The following OR56A3 variants were observed in gnomAD, a reference collection of about 807,000 sequenced individuals.
OR56A3 encodes the protein olfactory receptor 56A3.
A neutral mutation model predicts 17.5 loss-of-function variants in OR56A3; 23 were observed. The ratio of observed to expected loss-of-function variants is 1.32; its 90% CI spans 0.95 to 1.87. The LOEUF is 1.87. Ranked by LOEUF, OR56A3 falls within the 40% of genes most tolerant of loss-of-function variation. The pLI is 0.00. For synonymous variants in OR56A3, 175 were observed against 150.6 expected (o/e 1.16, Z -1.19); for missense variants, 366 against 380.1 (o/e 0.96, Z 0.31).
the OR56A3 span, among the ~76,000 whole-genome samples, chr11:6,017,726 C>A: frequency 6.6e-6 from 1 of 152,114 alleles, no homozygotes; most frequent in African/African-American, 2.4e-5. Context: ...TCAGTAATAA[C>A]TTTTAATGTA....
Position 5,950,638 on chromosome 11 carries a change from T to A in OR56A3, c.*2344T>A, listed in dbSNP as rs891834806. 2.0e-5 allele frequency: 3 copies of A among 152,128 alleles called. No homozygotes were observed. Among genetic ancestry groups the A allele is most frequent in the Non-Finnish European group, 4.4e-5 (3 of 67,968 alleles). 9.4% of individuals were successfully genotyped at this position (152,128 alleles called of 1,614,324 possible). On this transcript the variant is annotated 3_prime_UTR_variant, in exon 3 of 3. Coordinates refer to ENST00000641160, the MANE Select transcript of OR56A3 (RefSeq NM_001003443.3). ...AAAAGTAGAAACAGACAAAATTAGTTCTAATAAGATATTTTATTTAGTCCA... is the reference window on the plus strand; with the variant it reads ...AAAAGTAGAAACAGACAAAATTAGTACTAATAAGATATTTTATTTAGTCCA...
chr11:5,970,894 G>A, the OR56A3 span, among the ~76,000 whole-genome samples: 20 of 152,286 alleles, frequency 1.3e-4, no homozygotes, highest in African/African-American at 4.6e-4. Context: ...ATAAATGCTT[G>A]TGAGGTAAAT....
At chr11:6,008,431 G>A in the OR56A3 span, among the ~76,000 whole-genome samples, 31,497 of 152,008 alleles carry the variant, frequency 0.21, 3,579 homozygotes, top group African/African-American at 0.3. Context: ...ATATTGCTAA[G>A]AGCATGCAGT....
the OR56A3 span, chr11:6,002,963 G>C: frequency 6.2e-7 from 1 of 1,614,040 alleles, no homozygotes. Context: ...CAGAGACTGG[G>C]GCAGTGGAGT....
chr11:5,973,065 T>C, the OR56A3 span, among the ~76,000 whole-genome samples: 2 of 152,206 alleles, frequency 1.3e-5, no homozygotes, highest in Admixed American at 1.3e-4. Flanking sequence ...ACCTACAAGA[T>C]TTCCTTCTTT....
the OR56A3 span, among the ~76,000 whole-genome samples, chr11:5,990,481 T>C: frequency 1.3e-5 from 2 of 152,148 alleles, no homozygotes; most frequent in Non-Finnish European, 2.9e-5. Context: ...TGTTCAGAAA[T>C]AAGAGGGTTT....
At chr11:5,986,951 A>G in the OR56A3 span, 3 of 1,605,540 alleles carry the variant, frequency 1.9e-6, no homozygotes, top group Non-Finnish European at 2.6e-6. Flanking sequence ...TTCCTGCTAC[A>G]TTATCACATT....
chr11:5,961,179 C>T, the OR56A3 span, among the ~76,000 whole-genome samples: 14 of 151,518 alleles, frequency 9.2e-5, no homozygotes, highest in African/African-American at 3.4e-4. Flanking sequence ...AGGTGGGGGG[C>T]CCCTCTGCCC....
chr11:5,984,583 G>A, the OR56A3 span, among the ~76,000 whole-genome samples: 2 of 152,070 alleles, frequency 1.3e-5, no homozygotes, highest in African/African-American at 4.8e-5. Context: ...TTTTCTCTAG[G>A]ACAATTTACC....
At chr11:6,013,925 G>A in the OR56A3 span, among the ~76,000 whole-genome samples, 4 of 152,244 alleles carry the variant, frequency 2.6e-5, no homozygotes, top group East Asian at 7.7e-4. Flanking sequence ...TGCAATCACT[G>A]CTACCACTGC....
chr11:6,002,177 A>T, the OR56A3 span: 1 of 1,614,228 alleles, frequency 6.2e-7, no homozygotes, highest in East Asian at 2.2e-5. Context: ...GGACATCTGG[A>T]GGAATTCTCT....
chr11:5,943,118 G>C (rs1847848742), intron 1 of OR56A3, among the ~76,000 whole-genome samples: 1 of 152,184 alleles, frequency 6.6e-6, no homozygotes, highest in South Asian at 2.1e-4. Context: ...GTTTCCAGAT[G>C]CTTTACTTCT....
chr11:6,008,437 G>A, the OR56A3 span, among the ~76,000 whole-genome samples: 1 of 152,162 alleles, frequency 6.6e-6, no homozygotes. Context: ...CTAAGAGCAT[G>A]CAGTTTAAAC....
chr11:5,969,198 A>C, the OR56A3 span, among the ~76,000 whole-genome samples: 1,155 of 152,352 alleles, frequency 7.6e-3, 17 homozygotes, highest in African/African-American at 0.026. Context: ...AGATAGGCTC[A>C]AAGGTTATGC....
At chr11:5,996,373 A>T in the OR56A3 span, among the ~76,000 whole-genome samples, 4 of 152,182 alleles carry the variant, frequency 2.6e-5, no homozygotes, top group African/African-American at 9.7e-5. Flanking sequence ...GATAATCAAC[A>T]CATCCAAAGT....
chr11:5,985,189 G>T, the OR56A3 span, among the ~76,000 whole-genome samples: 1 of 152,026 alleles, frequency 6.6e-6, no homozygotes, highest in African/African-American at 2.4e-5. Context: ...TAATTATATG[G>T]TTACTTTTGG....
the OR56A3 span, among the ~76,000 whole-genome samples, chr11:6,009,488 T>C: frequency 6.6e-6 from 1 of 152,190 alleles, no homozygotes; most frequent in Admixed American, 6.5e-5. Flanking sequence ...ACATGTGTAT[T>C]CAAATTTAAT....
At chr11:6,002,851 G>T in the OR56A3 span, 2 of 1,613,942 alleles carry the variant, frequency 1.2e-6, no homozygotes, top group Non-Finnish European at 1.7e-6. Flanking sequence ...GTGATCAGGA[G>T]GGTGGTGTTA....
chr11:5,978,878 G>A, the OR56A3 span, among the ~76,000 whole-genome samples: 1 of 152,094 alleles, frequency 6.6e-6, no homozygotes, highest in Admixed American at 6.6e-5. Flanking sequence ...TTATTATTGT[G>A]AAGGATGTTC....
Sources: gnomAD v4.1 joint callset for allele counts (sites outside exome capture counted in the v4.1 genomes callset) on GRCh38, gnomAD v4.1.1 for gene constraint, MANE v1.5 for transcripts, NCBI Gene and HGNC (gene_info 2026-07-23, HGNC 2026-07-21) for gene names.